Variants in LAMA2 observed in about 807,000 individuals in gnomAD.
LAMA2 encodes laminin subunit alpha-2.
LAMA2 carries 269 observed loss-of-function variants against 364.8 expected under a neutral mutation model. The ratio of observed to expected loss-of-function variants is 0.74; its 90% CI spans 0.67 to 0.82. LAMA2 has a LOEUF of 0.82. Among genes scored for constraint, LAMA2 ranks in the 40% least tolerant of loss-of-function variants. The pLI is 0.00. For synonymous variants in LAMA2, 1,379 were observed against 1,370.6 expected (o/e 1.01, Z -0.14); for missense variants, 3,807 against 3,873.2 (o/e 0.98, Z 0.45).
At chr6:129,428,349 G>A (rs12205965) in intron 41 of LAMA2, among the ~76,000 whole-genome samples, 6,266 of 152,296 alleles carry the variant, frequency 0.041, 192 homozygotes, top group Non-Finnish European at 0.064. Flanking sequence ...CAGGAGGATC[G>A]CTTTAGCCCA....
intron 9 of LAMA2, among the ~76,000 whole-genome samples, chr6:129,167,000 T>C (rs1194195451): frequency 3.9e-5 from 6 of 152,168 alleles, no homozygotes. Context: ...CCTTTAATAA[T>C]ACTTATTCCA....
chr6:128,939,074 G>T (rs1780006298), intron 1 of LAMA2, among the ~76,000 whole-genome samples: 1 of 152,074 alleles, frequency 6.6e-6, no homozygotes, highest in Non-Finnish European at 1.5e-5. Flanking sequence ...AAAATCAAAG[G>T]TTCTGCAACT....
At chr6:129,114,272 CT>C (rs1423489303) in intron 4 of LAMA2, among the ~76,000 whole-genome samples, 1 of 152,006 alleles carries the variant, frequency 6.6e-6, no homozygotes, top group Admixed American at 6.6e-5. Flanking sequence ...CCAAACAATA[CT>C]TTGATATTCT....
intron 4 of LAMA2, among the ~76,000 whole-genome samples, chr6:129,110,118 A>G (rs540640577): frequency 1.7e-3 from 253 of 152,042 alleles, no homozygotes; most frequent in African/African-American, 5.9e-3. Context: ...GCAAAAAAAA[A>G]AAAGTTCTAC....
At chr6:129,248,353 C>A (rs1330444604) in intron 12 of LAMA2, among the ~76,000 whole-genome samples, 1 of 152,084 alleles carries the variant, frequency 6.6e-6, no homozygotes, top group East Asian at 1.9e-4. Context: ...AACACATTAG[C>A]AAATCAAGTA....
chr6:129,510,385 A>G (rs753983676), intron 62 of LAMA2, among the ~76,000 whole-genome samples: 1 of 152,184 alleles, frequency 6.6e-6, no homozygotes, highest in Admixed American at 6.6e-5. Context: ...ATAAAATACT[A>G]AGGAATTAAC....
rs559220215 is a variant in LAMA2 at position 129,300,920 on chromosome 6, G to A, written c.3174+48G>A. 88 of 1,569,152 alleles carry A rather than the reference G, an allele frequency of 5.6e-5. No individual in the cohort carries two copies. In the South Asian group the frequency reaches 9.7e-4, roughly 17 times the overall value. Reference sequence around the variant, plus strand: ...CTGATAATTTTTTGGAGAGATTTTTGTTTTGTAGAGCTCTGTAATTGGGCA... The same window carrying A: ...CTGATAATTTTTTGGAGAGATTTTTATTTTGTAGAGCTCTGTAATTGGGCA... On this transcript the variant is annotated intron_variant, in intron 22 of 64. Transcript: ENST00000421865.
intron 1 of LAMA2, among the ~76,000 whole-genome samples, chr6:128,961,393 C>T (rs1188773399): frequency 1.1e-4 from 11 of 98,862 alleles, no homozygotes; most frequent in East Asian, 3.0e-4. Context: ...TTAACTTATA[C>T]GACTGCATAT....
chr6:129,344,372 G>A (rs935624575), intron 30 of LAMA2, among the ~76,000 whole-genome samples: 3 of 152,084 alleles, frequency 2.0e-5, no homozygotes, highest in Admixed American at 1.3e-4. Context: ...GTGAGGGTCC[G>A]GGCAGAAGTT....
At chr6:128,890,096 C>A (rs117250308) in intron 1 of LAMA2, among the ~76,000 whole-genome samples, 1 of 152,088 alleles carries the variant, frequency 6.6e-6, no homozygotes, top group African/African-American at 2.4e-5. Context: ...TATGTGTAGT[C>A]CACTCAACTG....
chr6:129,102,621 G>A (rs1169321548), intron 4 of LAMA2, among the ~76,000 whole-genome samples: 1 of 151,566 alleles, frequency 6.6e-6, no homozygotes, highest in Non-Finnish European at 1.5e-5. Context: ...GGCCTTTTTG[G>A]ATATATTTTA....
At chr6:129,059,401 A>G (rs1055911720) in intron 2 of LAMA2, among the ~76,000 whole-genome samples, 1 of 152,218 alleles carries the variant, frequency 6.6e-6, no homozygotes, top group African/African-American at 2.4e-5. Flanking sequence ...GGTTGATGGC[A>G]TACTAGAGCT....
At chr6:129,286,129 A>T (rs1789097180) in intron 18 of LAMA2, among the ~76,000 whole-genome samples, 1 of 152,154 alleles carries the variant, frequency 6.6e-6, no homozygotes, top group Admixed American at 6.6e-5. Context: ...CCTTTCTCTA[A>T]ATAATGACTG....
intron 3 of LAMA2, among the ~76,000 whole-genome samples, chr6:129,092,552 A>G (rs1774907828): frequency 6.6e-6 from 1 of 152,224 alleles, no homozygotes; most frequent in South Asian, 2.1e-4. Context: ...GGAAATGTTA[A>G]AATCCATAAC....
chr6:129,485,091 T>C (rs1444720605), intron 55 of LAMA2, among the ~76,000 whole-genome samples: 1 of 152,222 alleles, frequency 6.6e-6, no homozygotes, highest in African/African-American at 2.4e-5. Flanking sequence ...TTTTTTTGTT[T>C]ATCTTGAAAA....
intron 55 of LAMA2, among the ~76,000 whole-genome samples, chr6:129,482,169 A>T (rs960007319): frequency 6.6e-6 from 1 of 152,200 alleles, no homozygotes; most frequent in East Asian, 1.9e-4. Flanking sequence ...TTAAATGGGC[A>T]TGGTCGTGCA....
chr6:129,373,220 A>C (rs73589114), intron 34 of LAMA2, among the ~76,000 whole-genome samples: 3,245 of 152,264 alleles, frequency 0.021, 118 homozygotes, highest in African/African-American at 0.074. Flanking sequence ...ATCCACGGTC[A>C]TCTAGATTTT....
intron 1 of LAMA2, among the ~76,000 whole-genome samples, chr6:128,985,427 T>TG (rs796333137): frequency 1.9e-4 from 29 of 152,208 alleles, no homozygotes; most frequent in African/African-American, 6.7e-4. Flanking sequence ...TCATTTTTGG[T>TG]GGGGGGATTG....
At chr6:128,986,330 T>G (rs1783234285) in intron 1 of LAMA2, among the ~76,000 whole-genome samples, 1 of 152,146 alleles carries the variant, frequency 6.6e-6, no homozygotes, top group South Asian at 2.1e-4. Flanking sequence ...GAGCCCTGGT[T>G]CCTTATAGTG....
Sources: allele counts gnomAD v4.1 joint callset (sites outside exome capture counted in the v4.1 genomes callset), GRCh38; gene constraint gnomAD v4.1.1; transcripts MANE v1.5; gene names NCBI Gene and HGNC (gene_info 2026-07-23, HGNC 2026-07-21).